Variants in DNAJB14 observed in about 807,000 individuals in gnomAD.
DNAJB14 encodes the protein dnaJ homolog subfamily B member 14.
Under a neutral mutation model 48.4 loss-of-function variants are expected in DNAJB14, and 22 were observed. That is an observed-to-expected ratio of 0.45 (90% confidence interval 0.32 to 0.65). The LOEUF (loss-of-function observed/expected upper bound fraction) is 0.65, where lower values mean the gene tolerates loss of function less well. DNAJB14 is among the 30% of genes least tolerant of loss of function. The pLI is 0.03. For missense variants in DNAJB14, 319 were observed against 458.8 expected (o/e 0.70, Z 2.78); for synonymous variants, 142 against 158.7 (o/e 0.89, Z 0.79).
chr4:99,930,436 A>C lies in DNAJB14; in HGVS notation c.305+14T>G. 1 of 1,576,196 alleles carries C rather than the reference A, an allele frequency of 6.3e-7. No individual in the cohort carries two copies. Among genetic ancestry groups the C allele is most frequent in the Non-Finnish European group, 8.6e-7 (1 of 1,162,460 alleles). On this transcript the variant is annotated intron_variant, in intron 2 of 7. Coordinates refer to ENST00000442697, the MANE Select transcript of DNAJB14 (RefSeq NM_001031723.4). The stretch of plus-strand genomic sequence containing the variant: ...ACCAATTATGATTGAGATGTAAACC[A>C]TATTTATTCCTACCTGAGAACTCCA...
chr4:99,944,417 C>T (rs549157139), intron 1 of DNAJB14, among the ~76,000 whole-genome samples: 1 of 152,166 alleles, frequency 6.6e-6, no homozygotes, highest in Non-Finnish European at 1.5e-5. Flanking sequence ...TGAAAGCAGG[C>T]TCTTTGCATA....
Position 99,923,060 on chromosome 4 carries a change from C to T in DNAJB14, c.431G>A (p.Gly144Glu), listed in dbSNP as rs757014039. The T allele has an allele frequency of 6.2e-7, 1 of 1,607,556 alleles. No individual in the cohort carries two copies. Among genetic ancestry groups the T allele is most frequent in the Admixed American group, 1.7e-5 (1 of 59,022 alleles). ...TTTACTTTTAAAAGCATCTGTTGCT[C>T]CAGGTGCATGGTTTTTGTCTGGATG... is the stretch of plus-strand genomic sequence containing the variant. ...KFHPDKNHAP[G>E]ATDAFKKIGN... The change falls in exon 3 of 8, where the codon GGA (glycine) becomes GAA (glutamate). Residue 144 changes from glycine (G) to glutamate (E), a missense_variant. Physicochemically the swap from Gly to Glu is moderately conservative, Grantham distance 98. This residue lies in a region of DNAJB14 where 37 missense variants were observed against 87.8 expected (regional missense o/e 0.42). Coordinates refer to ENST00000442697, the MANE Select transcript of DNAJB14 (RefSeq NM_001031723.4).
intron 5 of DNAJB14, chr4:99,905,952 TTCTTTC>T (rs922593779): frequency 3.8e-5 from 50 of 1,320,348 alleles, no homozygotes; most frequent in Non-Finnish European, 4.8e-5. Flanking sequence ...AAGTCTTCAT[TTCTTTC>T]TCTTTCTCTT....
chr4:99,946,394 T>G (rs1041286118), intron 1 of DNAJB14, 45 bp downstream of exon 1: 1 of 1,567,230 alleles, frequency 6.4e-7, no homozygotes, highest in Non-Finnish European at 8.6e-7. Context: ...GGCTACGCGG[T>G]GGTCTGGGGA....
chr4:99,921,493 T>A (rs1726059620), intron 3 of DNAJB14, among the ~76,000 whole-genome samples: 1 of 152,206 alleles, frequency 6.6e-6, no homozygotes, highest in African/African-American at 2.4e-5. Flanking sequence ...GATGCTAACA[T>A]GACTTCAATA....
chr4:99,931,023 T>C (rs966627969), intron 1 of DNAJB14, among the ~76,000 whole-genome samples: 1 of 152,170 alleles, frequency 6.6e-6, no homozygotes, highest in African/African-American at 2.4e-5. Context: ...TACTGGAATA[T>C]TATCATCCAA....
At chr4:99,906,760 G>A (rs1413116099) in intron 4 of DNAJB14, 149 bp from the exon 5 acceptor site, 5 of 610,668 alleles carry the variant, frequency 8.2e-6, no homozygotes, top group Non-Finnish European at 1.4e-5. Flanking sequence ...CTCTCCTCTT[G>A]TAAGTGAAGG....
rs770268163 is a variant in DNAJB14 at position 99,901,104 on chromosome 4, C to T, written c.1064G>A (p.Arg355Gln). 1.2e-5 allele frequency: 20 copies of T among 1,610,922 alleles called. No homozygotes were observed. The highest frequency in any genetic ancestry group is 5.5e-5 in the South Asian group (5 of 90,918). ...AAKVYRDDRL[R>Q]RKADALSMDN... Reference sequence around the variant, plus strand: ...CATGCTCAAGGCATCTGCCTTCCTTCGGAGTCGATCATCACGGTATACTTT... The same window carrying T: ...CATGCTCAAGGCATCTGCCTTCCTTTGGAGTCGATCATCACGGTATACTTT... Residue 355 changes from arginine to glutamine, a missense_variant, in exon 8 of 8, where the codon CGA becomes CAA. By Grantham distance (43) the Arg-to-Gln change is conservative (BLOSUM62 1). This residue lies in a region of DNAJB14 where 166 missense variants were observed against 236.3 expected (regional missense o/e 0.70). Transcript: ENST00000442697.
rs1157251955 is a variant in DNAJB14, at chr4:99,896,587, T to C, written c.*4441A>G. The C allele has an allele frequency of 1.3e-5, 2 of 152,214 alleles. No individual in the cohort carries two copies. Among genetic ancestry groups the C allele is most frequent in the African/African-American group, 2.4e-5 (1 of 41,468 alleles). 9.4% of individuals were successfully genotyped at this position (152,214 alleles called of 1,614,324 possible). A position where few individuals can be genotyped will look rare whatever the true frequency, so the allele number is the denominator to read the frequency against. On this transcript the variant is annotated 3_prime_UTR_variant, in exon 8 of 8. Transcript: ENST00000442697. ...TAAAGTAAATGGAAAGAAAGTCTTA[T>C]GTAGCAATCCAAAAACTAAAACTAG...
At chr4:99,946,333 G>A (rs1180172773) in intron 1 of DNAJB14, 106 bp downstream of exon 1, 7 of 1,512,328 alleles carry the variant, frequency 4.6e-6, no homozygotes, top group Non-Finnish European at 6.2e-6. Context: ...GGCTCAGACA[G>A]GCCGGGGGCC....
chr4:99,930,139 C>T (rs1726409254), intron 2 of DNAJB14: 1 of 186,682 alleles, frequency 5.4e-6, no homozygotes, highest in Non-Finnish European at 1.1e-5. Context: ...TAAAATAAAA[C>T]AATTCTTCAT....
chr4:99,938,669 T>G (rs1435656174), intron 1 of DNAJB14, among the ~76,000 whole-genome samples: 2 of 152,120 alleles, frequency 1.3e-5, no homozygotes, highest in African/African-American at 4.8e-5. Flanking sequence ...GTAAATGAAA[T>G]GTATTTGGAA....
intron 1 of DNAJB14, among the ~76,000 whole-genome samples, chr4:99,932,547 T>A (rs1487446561): frequency 2.0e-5 from 3 of 152,150 alleles, no homozygotes. Context: ...CTAATAAGTT[T>A]CTAGTGAGAA....
intron 3 of DNAJB14, among the ~76,000 whole-genome samples, chr4:99,914,474 T>C (rs1202234657): frequency 6.6e-6 from 1 of 151,934 alleles, no homozygotes; most frequent in African/African-American, 2.4e-5. Flanking sequence ...AAGGGGAACA[T>C]CACACACTGG....
At chr4:99,920,177 A>G (rs1179829496) in intron 3 of DNAJB14, among the ~76,000 whole-genome samples, 1 of 152,222 alleles carries the variant, frequency 6.6e-6, no homozygotes. Flanking sequence ...TATGTTTGTT[A>G]AATGTGAGGC....
chr4:99,921,060 G>A, intron 3 of DNAJB14, among the ~76,000 whole-genome samples: 1 of 152,158 alleles, frequency 6.6e-6, no homozygotes, highest in East Asian at 1.9e-4. Context: ...TCTGTGTGAT[G>A]ATGCCATCTG....
intron 2 of DNAJB14, chr4:99,923,827 C>G: frequency 1.0e-6 from 1 of 984,408 alleles, no homozygotes; most frequent in Non-Finnish European, 1.2e-6. Context: ...GCATAAACCA[C>G]TGCACCCGGC....
At chr4:99,935,462 T>C (rs969798169) in intron 1 of DNAJB14, among the ~76,000 whole-genome samples, 1 of 152,204 alleles carries the variant, frequency 6.6e-6, no homozygotes, top group Non-Finnish European at 1.5e-5. Flanking sequence ...GAATCCACTA[T>C]AAAACAGGCT....
Position 99,900,378 on chromosome 4 carries a change from A to G in DNAJB14, c.*650T>C, listed in dbSNP as rs529269218. On this transcript the variant is annotated 3_prime_UTR_variant, in exon 8 of 8. Coordinates refer to ENST00000442697, the MANE Select transcript of DNAJB14 (RefSeq NM_001031723.4). ...TATATGTATAGTAATTCATAAAACTAAATAGCAAACTGATATTCTACACCA... is the reference window on the plus strand; with the variant it reads ...TATATGTATAGTAATTCATAAAACTGAATAGCAAACTGATATTCTACACCA... 2.0e-5 allele frequency: 3 copies of G among 152,190 alleles called. No homozygotes were observed. Among genetic ancestry groups the G allele is most frequent in the South Asian group, 4.1e-4 (2 of 4,822 alleles). The allele number at this position is 152,190 out of a possible 1,614,324, so 9.4% of individuals were successfully genotyped here. A position where few individuals can be genotyped will look rare whatever the true frequency, so the allele number is the denominator to read the frequency against.
Sources: allele counts gnomAD v4.1 joint callset (sites outside exome capture counted in the v4.1 genomes callset), GRCh38; gene constraint gnomAD v4.1.1; regional missense constraint gnomAD v4.1.1; transcripts MANE v1.5; gene names NCBI Gene and HGNC (gene_info 2026-07-23, HGNC 2026-07-21).